AGMAT: variants seen among roughly 807,000 people sequenced by gnomAD.
AGMAT encodes the protein guanidino acid hydrolase, mitochondrial.
A neutral mutation model predicts 29.3 loss-of-function variants in AGMAT; 37 were observed. That is an observed-to-expected ratio of 1.26 (90% confidence interval 0.97 to 1.66). The LOEUF is 1.66. Among genes scored for constraint, AGMAT ranks in the 40% most tolerant of loss-of-function variants. The pLI is 0.00. For missense variants in AGMAT, 498 were observed against 497.8 expected, an observed-to-expected ratio of 1.00 and a Z score of 0.00; for synonymous variants, 199 against 200.8, an observed-to-expected ratio of 0.99 and a Z score of 0.08.
At chr1:15,576,025 G>C (rs1639032451) in intron 5 of AGMAT, 1 of 152,174 alleles carries the variant, frequency 6.6e-6, no homozygotes, top group Non-Finnish European at 1.5e-5. Context: ...CCAAAGTGCT[G>C]AGGATAGTGC....
chr1:15,584,306 C>CT (rs1427841696), intron 1 of AGMAT, among the ~76,000 whole-genome samples: 17 of 85,706 alleles, frequency 2.0e-4, no homozygotes, highest in East Asian at 6.7e-4. Context: ...CCATGCCCGG[C>CT]TTTTTTTTTC....
chr1:15,583,978 T>G (rs1044704150), intron 1 of AGMAT, among the ~76,000 whole-genome samples: 4 of 152,172 alleles, frequency 2.6e-5, no homozygotes, highest in Non-Finnish European at 5.9e-5. Context: ...ATTTCTTGAG[T>G]CAGGTGACAT....
rs373752564 is a variant in AGMAT, at chr1:15,573,710, G to T, written c.1000C>A (p.Leu334Met). 1.2e-6 allele frequency: 2 copies of T among 1,614,166 alleles called. No individual in the cohort carries two copies. The highest frequency in any genetic ancestry group is 8.5e-7 in the Non-Finnish European group (1 of 1,180,010). Residue 334 changes from leucine (L) to methionine (M), a missense_variant, in exon 7 of 7, where the codon CTG becomes ATG. Coordinates refer to ENST00000375826, the MANE Select transcript of AGMAT (RefSeq NM_024758.5). Reference protein sequence around the residue: ...PYDLSGNTALLAANLLFEMLC... With the variant: ...PYDLSGNTALMAANLLFEMLC... ...ATCTCAAACAGCAGGTTAGCCGCCAGCAGGGCTGTGTTCCCTAAGAAAAAG... is the reference window on the plus strand; with the variant it reads ...ATCTCAAACAGCAGGTTAGCCGCCATCAGGGCTGTGTTCCCTAAGAAAAAG...
At chr1:15,584,536 T>G (rs10927808) in intron 1 of AGMAT, among the ~76,000 whole-genome samples, 160 bp downstream of exon 1, 95,124 of 151,826 alleles carry the variant, frequency 0.63, 30,842 homozygotes, top group African/African-American at 0.79. Flanking sequence ...AGGGTCCAGG[T>G]AAATCAACCA....
chr1:15,572,445 C>T lies in AGMAT; in HGVS notation c.*1206G>A, dbSNP rs59513462. 39,245 of 146,678 alleles carry T rather than the reference C, an allele frequency of 0.27. 5,972 individuals carry two copies. The highest frequency in any genetic ancestry group is 0.41 in the African/African-American group (15,978 of 39,242). 9.1% of individuals were successfully genotyped at this position (146,678 alleles called of 1,614,324 possible). A position where few individuals can be genotyped will look rare whatever the true frequency, so the allele number is the denominator to read the frequency against. ...CATGACCTCAGCTCACTGCAACCTC[C>T]ACCTCCCGGGTTCAAGCAATGCCCC... is the stretch of plus-strand genomic sequence containing the variant. On this transcript the variant is annotated 3_prime_UTR_variant, in exon 7 of 7. Coordinates refer to ENST00000375826, the MANE Select transcript of AGMAT (RefSeq NM_024758.5).
rs1639169404 is a variant in AGMAT, at chr1:15,585,042, A to G, written c.-75T>C. 1 of 1,259,688 alleles carries G rather than the reference A, an allele frequency of 7.9e-7. No individual in the cohort carries two copies. Among genetic ancestry groups the G allele is most frequent in the South Asian group, 2.9e-5 (1 of 34,124 alleles). 78.0% of individuals were successfully genotyped at this position (1,259,688 alleles called of 1,614,324 possible). On this transcript the variant is annotated 5_prime_UTR_variant, in exon 1 of 7. Transcript: ENST00000375826. ...GCGATCTGGCTGGTCCCGAACGGCG[A>G]GGCGAGTGTGCACGCGCCAGAGCCG...
chr1:15,584,877 G>A lies in AGMAT; in HGVS notation c.91C>T (p.Arg31Cys), dbSNP rs749883993. 5 of 1,407,380 alleles carry A rather than the reference G, an allele frequency of 3.6e-6. No individual in the cohort carries two copies. The highest frequency in any genetic ancestry group is 4.6e-6 in the Non-Finnish European group (5 of 1,086,930). The allele number at this position is 1,407,380 out of a possible 1,614,324, so 87.2% of individuals were successfully genotyped here. The change falls in exon 1 of 7, where the codon CGC becomes TGC. Residue 31 changes from arginine (R) to cysteine (C), a missense_variant. Coordinates refer to ENST00000375826, the MANE Select transcript of AGMAT (RefSeq NM_024758.5). ...PAAGLFHPGR[R>C]QSRQASDAPR... ...GCGTCGGAAGCCTGGCGGCTCTGGC[G>A]GCGCCCCGGATGAAAGAGCCCTGCG...
chr1:15,580,201 C>CT (rs34166013), intron 2 of AGMAT, 59 bp from the exon 3 acceptor site: 43,622 of 556,558 alleles, frequency 0.078, 512 homozygotes, highest in African/African-American at 0.16. Flanking sequence ...ATAGAATAAT[C>CT]TTTTTTTTTT....
In AGMAT at chr1:15,584,707, C is replaced by T; in HGVS notation, c.261G>A (p.Arg87=). 1.5e-6 allele frequency: 2 copies of T among 1,331,174 alleles called. No individual in the cohort carries two copies. Among genetic ancestry groups the T allele is most frequent in the Non-Finnish European group, 9.7e-7 (1 of 1,035,330 alleles). The allele number at this position is 1,331,174 out of a possible 1,614,324, so 82.5% of individuals were successfully genotyped here. A position where few individuals can be genotyped will look rare whatever the true frequency, so the allele number is the denominator to read the frequency against. ...GVPLDTGTSN[R]PGARFGPRRI... ...CCTTCCGGCCTTACCTCGCCCCAGG[C>T]CGGTTGGAGGTCCCAGTATCCAGGG... The change falls in exon 1 of 7, where the codon CGG becomes CGA. Residue 87 remains arginine (R), a synonymous_variant. Transcript: ENST00000375826.
chr1:15,576,493 G>A (rs572432520), intron 5 of AGMAT, among the ~76,000 whole-genome samples: 8 of 150,854 alleles, frequency 5.3e-5, no homozygotes, highest in African/African-American at 1.5e-4. Flanking sequence ...ACAGTGGCAC[G>A]ATCTCAGCTC....
chr1:15,572,352 C>CAT lies in AGMAT; in HGVS notation c.*1298_*1299insAT, dbSNP rs781149544. 9.8e-4 allele frequency: 43 copies of CAT among 43,734 alleles called. No homozygotes were observed. Among genetic ancestry groups the CAT allele is most frequent in the African/African-American group, 4.5e-3 (43 of 9,520 alleles). The allele number at this position is 43,734 out of a possible 1,614,324, so 2.7% of individuals were successfully genotyped here. On this transcript the variant is annotated 3_prime_UTR_variant, in exon 7 of 7. Transcript: ENST00000375826. ...GGCGTGAGCCACTGGGTCCGGCCTGCTTTTTTTTTTTTTTTTTTTTTTTTG... is the reference window on the plus strand; with the variant it reads ...GGCGTGAGCCACTGGGTCCGGCCTGCATTTTTTTTTTTTTTTTTTTTTTTTTG...
Position 15,573,573 on chromosome 1 carries a change from TC to T in AGMAT, c.*77del. On this transcript the variant is annotated 3_prime_UTR_variant, in exon 7 of 7. Transcript: ENST00000375826. ...GTTTTCTTGGCATAAACTCTTTAGT[TC>T]TCAGACTGCTTACTCATAAGTTCTT... The T allele has an allele frequency of 7.2e-7, 1 of 1,385,546 alleles. No homozygotes were observed. Among genetic ancestry groups the T allele is most frequent in the Non-Finnish European group, 1.0e-6 (1 of 974,938 alleles). The allele number at this position is 1,385,546 out of a possible 1,614,324, so 85.8% of individuals were successfully genotyped here.
intron 2 of AGMAT, 124 bp downstream of exon 2, chr1:15,583,069 T>C: frequency 1.2e-6 from 1 of 824,556 alleles, no homozygotes; most frequent in Non-Finnish European, 1.9e-6. Flanking sequence ...AATGCTCTCT[T>C]TCCTACTGTC....
At chr1:15,579,141 ATTC>A in intron 3 of AGMAT, 87 bp from the exon 4 acceptor site, 13 of 1,343,910 alleles carry the variant, frequency 9.7e-6, no homozygotes, top group Admixed American at 6.7e-5. Flanking sequence ...CTTGGTGACA[ATTC>A]ACAGCCAAAA....
chr1:15,573,439 CTT>C lies in AGMAT; in HGVS notation c.*210_*211del. ...AAAAATCAAAGCAGTACAAGTACTC[CTT>C]TTTTTTTCCCCCAATTAATCCAAGT... On this transcript the variant is annotated 3_prime_UTR_variant, in exon 7 of 7. Transcript: ENST00000375826. The C allele has an allele frequency of 1.9e-6, 1 of 516,644 alleles. No individual in the cohort carries two copies. The highest frequency in any genetic ancestry group is 3.5e-6 in the Non-Finnish European group (1 of 282,820). The allele number at this position is 516,644 out of a possible 1,614,324, so 32.0% of individuals were successfully genotyped here. A position where few individuals can be genotyped will look rare whatever the true frequency, so the allele number is the denominator to read the frequency against.
intron 2 of AGMAT, among the ~76,000 whole-genome samples, chr1:15,581,987 G>T (rs2103439757): frequency 6.6e-6 from 1 of 152,100 alleles, no homozygotes; most frequent in South Asian, 2.1e-4. Context: ...GCCATGCATA[G>T]GTCGGGCGCA....
Position 15,580,083 on chromosome 1 carries a change from T to C in AGMAT, c.524+11A>G, listed in dbSNP as rs372169472. The stretch of plus-strand genomic sequence containing the variant: ...TGAAATCTTGCTGGGCCCAAGCCAT[T>C]TGAGACTTACTTTTTTGCCATCGCT... On this transcript the variant is annotated intron_variant, in intron 3 of 6. Transcript: ENST00000375826. 1 of 1,613,308 alleles carries C rather than the reference T, an allele frequency of 6.2e-7. No homozygotes were observed. The highest frequency in any genetic ancestry group is 1.3e-5 in the African/African-American group (1 of 74,912).
Position 15,573,535 on chromosome 1 carries a change from C to A in AGMAT, c.*116G>T. On this transcript the variant is annotated 3_prime_UTR_variant, in exon 7 of 7. Transcript: ENST00000375826. ...CCCGACTTCACAGCCAGCAATGACA[C>A]TTTCAGCAGAAAGTTTTCTTGGCAT... The A allele has an allele frequency of 1.1e-6, 1 of 910,506 alleles. No individual in the cohort carries two copies. Among genetic ancestry groups the A allele is most frequent in the Non-Finnish European group, 1.7e-6 (1 of 576,216 alleles). 56.4% of individuals were successfully genotyped at this position (910,506 alleles called of 1,614,324 possible). A position where few individuals can be genotyped will look rare whatever the true frequency, so the allele number is the denominator to read the frequency against.
At chr1:15,579,955 T>C in intron 3 of AGMAT, 139 bp downstream of exon 3, 2 of 791,434 alleles carry the variant, frequency 2.5e-6, no homozygotes, top group Non-Finnish European at 4.4e-6. Context: ...CACCTGGAGC[T>C]CAACCTTAAT....
Sources: allele counts gnomAD v4.1 joint callset (sites outside exome capture counted in the v4.1 genomes callset), GRCh38; gene constraint gnomAD v4.1.1; transcripts MANE v1.5; gene names NCBI Gene and HGNC (gene_info 2026-07-23, HGNC 2026-07-21).